Variants in THOC1 observed in about 807,000 individuals in gnomAD.
THOC1 encodes the protein THO complex subunit 1.
A neutral mutation model predicts 97.3 loss-of-function variants in THOC1; 29 were observed. The observed-to-expected ratio is 0.30, with a 90% CI of 0.22 to 0.41. THOC1 has a LOEUF of 0.41. THOC1 is among the 10% of genes least tolerant of loss of function. The pLI is 1.00. For missense variants in THOC1, 529 were observed against 761.9 expected, an observed-to-expected ratio of 0.69 and a Z score of 3.60; for synonymous variants, 255 against 257.0, an observed-to-expected ratio of 0.99 and a Z score of 0.07.
Position 252,630 on chromosome 18 carries a change from T to C in THOC1, c.604-18A>G, listed in dbSNP as rs756967114. ...TCAGTGTGCTAAATTGAAAAAAAAA[T>C]GTATAGCCTGTCATGAAGCAGTCAT... On this transcript the variant is annotated intron_variant, in intron 8 of 20. Transcript: ENST00000261600. 6.4e-7 allele frequency: 1 copy of C among 1,569,444 alleles called. No individual in the cohort carries two copies. Among genetic ancestry groups the C allele is most frequent in the South Asian group, 1.1e-5 (1 of 88,326 alleles).
intron 13 of THOC1, 87 bp from the exon 14 acceptor site, chr18:225,226 G>T: frequency 6.6e-7 from 1 of 1,520,902 alleles, no homozygotes; most frequent in South Asian, 1.2e-5. Flanking sequence ...GAGTGTTTGT[G>T]GTCTTGTACC....
At chr18:239,734 A>G (rs971305398) in intron 11 of THOC1, among the ~76,000 whole-genome samples, 10 of 152,264 alleles carry the variant, frequency 6.6e-5, no homozygotes, top group Admixed American at 6.5e-5. Flanking sequence ...TTAAAAACCA[A>G]AGTTTTAAAT....
chr18:231,590 C>T (rs1359554146), intron 11 of THOC1, among the ~76,000 whole-genome samples: 1 of 152,078 alleles, frequency 6.6e-6, no homozygotes, highest in African/African-American at 2.4e-5. Flanking sequence ...AGTAATACAA[C>T]ATTCATGTAC....
chr18:231,995 A>C (rs899241520), intron 11 of THOC1, among the ~76,000 whole-genome samples: 1 of 152,266 alleles, frequency 6.6e-6, no homozygotes, highest in Non-Finnish European at 1.5e-5. Flanking sequence ...TATGGACTAT[A>C]TATCTCTGTC....
chr18:257,411 GTT>G (rs1198301716), intron 7 of THOC1, among the ~76,000 whole-genome samples: 2 of 152,110 alleles, frequency 1.3e-5, no homozygotes, highest in Non-Finnish European at 2.9e-5. Context: ...AGAGAAAGAG[GTT>G]AATAAACAGA....
chr18:224,820 A>C (rs541380316), intron 15 of THOC1, 104 bp downstream of exon 15: 2 of 889,728 alleles, frequency 2.2e-6, no homozygotes, highest in African/African-American at 1.7e-5. Context: ...AAATATATAC[A>C]TGTATTTTTA....
intron 5 of THOC1, 80 bp from the exon 6 acceptor site, chr18:259,810 T>C: frequency 9.2e-7 from 1 of 1,084,066 alleles, no homozygotes; most frequent in Non-Finnish European, 1.3e-6. Context: ...GAGTGAAATA[T>C]TAAAGAACAC....
chr18:255,424 GA>G (rs1274412802), intron 7 of THOC1, among the ~76,000 whole-genome samples: 1 of 152,208 alleles, frequency 6.6e-6, no homozygotes, highest in Non-Finnish European at 1.5e-5. Flanking sequence ...CTGATACAGA[GA>G]AAGTCTGAGT....
At chr18:221,158 AC>A (rs1911064134) in intron 17 of THOC1, among the ~76,000 whole-genome samples, 1 of 152,190 alleles carries the variant, frequency 6.6e-6, no homozygotes, top group South Asian at 2.1e-4. Context: ...TGCTATTCAC[AC>A]ATAATTTACA....
At position 214,779 on chromosome 18, in the gene THOC1, T is replaced by G; in HGVS notation, c.1821A>C (p.Glu607Asp). 6.2e-7 allele frequency: 1 copy of G among 1,613,984 alleles called. No individual in the cohort carries two copies. The highest frequency in any genetic ancestry group is 8.5e-7 in the Non-Finnish European group (1 of 1,179,862). ...GCTGCTTAGCTCTCATCTTCATGTC[T>G]TCACTGTCACACTCAATCTGCCTAA... ...SEIRQIECDS[E>D]DMKMRAKQLL... The change falls in exon 21 of 21, where the codon GAA (glutamate) becomes GAC (aspartate). Residue 607 changes from glutamate to aspartate, a missense_variant. Physicochemically the swap from Glu to Asp is conservative, Grantham distance 45. This residue lies in a region of THOC1 where 98 missense variants were observed against 111.9 expected (regional missense o/e 0.88). Transcript: ENST00000261600.
chr18:220,523 T>C (rs971504592), intron 17 of THOC1, among the ~76,000 whole-genome samples: 2 of 152,238 alleles, frequency 1.3e-5, no homozygotes, highest in African/African-American at 4.8e-5. Context: ...ATCAGACTCC[T>C]ACCAGCAGCA....
intron 9 of THOC1, 50 bp from the exon 10 acceptor site, chr18:248,007 A>G (rs755373238): frequency 2.5e-6 from 3 of 1,182,768 alleles, no homozygotes; most frequent in Admixed American, 4.9e-5. Flanking sequence ...TCTTTTACAA[A>G]TATCTAAATA....
intron 11 of THOC1, among the ~76,000 whole-genome samples, chr18:234,640 C>T (rs1334725080): frequency 6.6e-6 from 1 of 152,158 alleles, no homozygotes; most frequent in Non-Finnish European, 1.5e-5. Flanking sequence ...CCTTGGCCTC[C>T]CAAAGTGCTG....
Position 224,078 on chromosome 18 carries a change from A to G in THOC1, c.1304+6T>C. 1 of 1,580,310 alleles carries G rather than the reference A, an allele frequency of 6.3e-7. No individual in the cohort carries two copies. Among genetic ancestry groups the G allele is most frequent in the Non-Finnish European group, 8.7e-7 (1 of 1,154,344 alleles). On this transcript the variant is annotated splice_donor_region_variant and intron_variant, in intron 16 of 20. Transcript: ENST00000261600. ...GAACATCCCACATGAAGACAAATTC[A>G]CCTACTTTCCCATCAGAATTTTTTT...
intron 11 of THOC1, among the ~76,000 whole-genome samples, chr18:235,962 G>C (rs1026455954): frequency 6.6e-6 from 1 of 152,096 alleles, no homozygotes; most frequent in Non-Finnish European, 1.5e-5. Flanking sequence ...TCATAATTTT[G>C]TAAGTTTTTG....
intron 11 of THOC1, among the ~76,000 whole-genome samples, chr18:239,330 A>G (rs1230999413): frequency 6.6e-6 from 1 of 152,212 alleles, no homozygotes. Flanking sequence ...TTTGAGACAG[A>G]GTCTCGCTCT....
intron 12 of THOC1, chr18:225,741 G>A (rs1325531964): frequency 5.1e-6 from 1 of 197,526 alleles, no homozygotes. Flanking sequence ...TATACATGAT[G>A]CACATTCAGT....
intron 4 of THOC1, among the ~76,000 whole-genome samples, chr18:262,224 T>C (rs1011176838): frequency 1.3e-5 from 2 of 152,326 alleles, no homozygotes; most frequent in Middle Eastern, 3.4e-3. Flanking sequence ...TACATAAATA[T>C]ACTGTAGCAT....
intron 11 of THOC1, among the ~76,000 whole-genome samples, chr18:227,314 TAAA>T (rs202091789): frequency 6.6e-6 from 1 of 151,214 alleles, no homozygotes; most frequent in Non-Finnish European, 1.5e-5. Context: ...ACTCTAAATT[TAAA>T]AAAAAAATTT....
Sources: allele counts gnomAD v4.1 joint callset (sites outside exome capture counted in the v4.1 genomes callset), GRCh38; gene constraint gnomAD v4.1.1; regional missense constraint gnomAD v4.1.1; transcripts MANE v1.5; gene names NCBI Gene and HGNC (gene_info 2026-07-23, HGNC 2026-07-21).